CTNNA3: variants seen among roughly 807,000 people sequenced by gnomAD.
The protein encoded by CTNNA3 is catenin alpha-3.
CTNNA3 carries 76 observed loss-of-function variants against 95.7 expected under a neutral mutation model. The observed-to-expected ratio is 0.79, with a 90% CI of 0.66 to 0.96. The LOEUF is 0.96. CTNNA3 is among the 40% of genes least tolerant of loss of function. The pLI is 0.00. For synonymous variants in CTNNA3, 431 were observed against 374.4 expected (o/e 1.15, Z -1.74); for missense variants, 1,191 against 1,089.8 (o/e 1.09, Z -1.31).
intron 5 of CTNNA3, among the ~76,000 whole-genome samples, chr10:67,254,863 A>C (rs886496239): frequency 6.6e-6 from 1 of 152,214 alleles, no homozygotes; most frequent in African/African-American, 2.4e-5. Context: ...ATGCTGTTTT[A>C]CAATGAAATC....
intron 5 of CTNNA3, among the ~76,000 whole-genome samples, chr10:67,358,969 T>C (rs906109374): frequency 1.3e-5 from 2 of 152,018 alleles, no homozygotes; most frequent in Non-Finnish European, 2.9e-5. Flanking sequence ...GAGACATGCA[T>C]GGCTGAGCAA....
At chr10:67,726,626 T>TA (rs1564841363) in intron 1 of CTNNA3, among the ~76,000 whole-genome samples, 17 of 4,906 alleles carry the variant, frequency 3.5e-3, no homozygotes, top group African/African-American at 0.011. Context: ...ATAATATATA[T>TA]TATATTATAT....
At chr10:66,360,639 C>CTTCCTTCCTTCCTTCCT (rs1564896009) in intron 12 of CTNNA3, among the ~76,000 whole-genome samples, 7 of 56,538 alleles carry the variant, frequency 1.2e-4, no homozygotes, top group Non-Finnish European at 1.9e-4. Flanking sequence ...TTCTTTCTTT[C>CTTCCTTCCTTCCTTCCT]TTTCTTTCTT....
chr10:66,915,851 C>T (rs1276320905), intron 7 of CTNNA3, among the ~76,000 whole-genome samples: 5 of 151,332 alleles, frequency 3.3e-5, no homozygotes, highest in African/African-American at 4.9e-5. Flanking sequence ...CGAGTTCAAG[C>T]GATTCTCCTG....
At chr10:66,250,358 A>G (rs1218708215) in intron 13 of CTNNA3, among the ~76,000 whole-genome samples, 2 of 152,168 alleles carry the variant, frequency 1.3e-5, no homozygotes, top group African/African-American at 2.4e-5. Flanking sequence ...CTAGTATTTG[A>G]TAGCATGACA....
At chr10:66,946,538 C>G (rs1196826807) in intron 7 of CTNNA3, among the ~76,000 whole-genome samples, 1 of 152,084 alleles carries the variant, frequency 6.6e-6, no homozygotes, top group African/African-American at 2.4e-5. Context: ...TCTAGTTCTT[C>G]CAATCACTAT....
Position 66,744,849 on chromosome 10 carries a change from G to T in CTNNA3, c.1281+21415C>A, listed in dbSNP as rs543361489. Among the ~76,000 whole-genome samples, 47 of 152,172 alleles carry T rather than the reference G, an allele frequency of 3.1e-4. No individual in the cohort carries two copies. The South Asian group carries it at 9.4e-3, about 30-fold the overall frequency. On this transcript the variant is annotated intron_variant, in intron 9 of 17. Coordinates refer to ENST00000433211, the MANE Select transcript of CTNNA3 (RefSeq NM_013266.4). Reference sequence around the variant, plus strand: ...TGAGGTATAATCACTATATCTTTAGGAGTTCTAGGGTTTTTATGTTGAGGA... The same window carrying T: ...TGAGGTATAATCACTATATCTTTAGTAGTTCTAGGGTTTTTATGTTGAGGA...
chr10:66,849,458 C>T (rs1843400357), intron 7 of CTNNA3, among the ~76,000 whole-genome samples: 1 of 152,002 alleles, frequency 6.6e-6, no homozygotes, highest in Non-Finnish European at 1.5e-5. Flanking sequence ...GAATAGTGTG[C>T]CCCAAAATTC....
At chr10:67,024,352 CA>C (rs1853219613) in intron 7 of CTNNA3, among the ~76,000 whole-genome samples, 1 of 152,186 alleles carries the variant, frequency 6.6e-6, no homozygotes, top group Non-Finnish European at 1.5e-5. Context: ...CTCCCTCTTA[CA>C]AAGACCTTTG....
intron 3 of CTNNA3, among the ~76,000 whole-genome samples, chr10:67,589,987 C>T (rs1225138825): frequency 6.6e-6 from 1 of 152,074 alleles, no homozygotes; most frequent in African/African-American, 2.4e-5. Flanking sequence ...AAAAAAATCT[C>T]AAAGTCAAGT....
At chr10:66,192,391 A>G (rs1043466860) in intron 13 of CTNNA3, among the ~76,000 whole-genome samples, 7 of 152,240 alleles carry the variant, frequency 4.6e-5, no homozygotes, top group Non-Finnish European at 8.8e-5. Flanking sequence ...CTACAGAATA[A>G]GAAGAGCCTT....
intron 3 of CTNNA3, among the ~76,000 whole-genome samples, chr10:67,555,556 G>C (rs1339270855): frequency 3.3e-5 from 5 of 152,084 alleles, no homozygotes; most frequent in African/African-American, 9.7e-5. Flanking sequence ...CTCTCTGTTT[G>C]TCTGTTATTG....
intron 7 of CTNNA3, among the ~76,000 whole-genome samples, chr10:67,086,691 G>C (rs567132425): frequency 1.3e-4 from 20 of 152,044 alleles, no homozygotes; most frequent in South Asian, 8.3e-4. Context: ...AAATGCCAAT[G>C]TTCAGGGAAA....
Position 66,115,506 on chromosome 10 carries a change from TATAGATAGATAGATAGATGATAGATAG to T in CTNNA3, c.1885-12284_1885-12258del, listed in dbSNP as rs1384972478. Among the ~76,000 whole-genome samples the T allele has an allele frequency of 2.0e-5, 3 of 149,018 alleles. No homozygotes were observed. The East Asian group carries it at 5.9e-4, about 29-fold the overall frequency. On this transcript the variant is annotated intron_variant, in intron 13 of 17. Coordinates refer to ENST00000433211, the MANE Select transcript of CTNNA3 (RefSeq NM_013266.4). ...TGTGGTTTGACTTCCCAATGGGGAA[TATAGATAGATAGATAGATGATAGATAG>T]ATAGATAGATAGATAGATAGATAGA... is the stretch of plus-strand genomic sequence containing the variant.
At chr10:66,300,240 T>C (rs2091841759) in intron 12 of CTNNA3, among the ~76,000 whole-genome samples, 1 of 152,114 alleles carries the variant, frequency 6.6e-6, no homozygotes, top group African/African-American at 2.4e-5. Context: ...ATCACAGATA[T>C]AATTTTTACT....
At position 67,180,406 on chromosome 10, in the gene CTNNA3, T is replaced by C. The variant is rs1263985923; in HGVS notation, c.958A>G (p.Thr320Ala). 3 of 1,613,776 alleles carry C rather than the reference T, an allele frequency of 1.9e-6. No individual in the cohort carries two copies. In the Admixed American group the frequency reaches 5.0e-5, roughly 27 times the overall value. Residue 320 changes from threonine to alanine, a missense_variant, in exon 7 of 18, where the codon ACG becomes GCG. Thr to Ala is a moderately conservative substitution (Grantham distance 58, BLOSUM62 0). Transcript: ENST00000433211. ...ATCCGCTCTCGGTGTAAGTCCCTCGTACATGAAGAATCCGCCAGCAGAGCA... is the reference window on the plus strand; with the variant it reads ...ATCCGCTCTCGGTGTAAGTCCCTCGCACATGAAGAATCCGCCAGCAGAGCA... The part of the protein sequence containing the change: ...GAALLADSSC[T>A]RDLHRERIIA...
intron 13 of CTNNA3, among the ~76,000 whole-genome samples, chr10:66,175,692 G>A (rs2085670048): frequency 2.0e-5 from 3 of 152,156 alleles, no homozygotes; most frequent in Non-Finnish European, 4.4e-5. Flanking sequence ...GTTACTGTCA[G>A]CTAATCTTTC....
At chr10:66,028,312 G>A (rs959065793) in intron 15 of CTNNA3, among the ~76,000 whole-genome samples, 1 of 152,136 alleles carries the variant, frequency 6.6e-6, no homozygotes, top group African/African-American at 2.4e-5. Flanking sequence ...GTTTATTGTA[G>A]CACTATTCAC....
chr10:67,185,922 A>G (rs1319869798), intron 6 of CTNNA3, among the ~76,000 whole-genome samples: 1 of 151,636 alleles, frequency 6.6e-6, no homozygotes, highest in Non-Finnish European at 1.5e-5. Flanking sequence ...TGGGAGATTG[A>G]GGCAGGAGAA....
Sources: gnomAD v4.1 joint callset for allele counts (sites outside exome capture counted in the v4.1 genomes callset) on GRCh38, gnomAD v4.1.1 for gene constraint, MANE v1.5 for transcripts, NCBI Gene and HGNC (gene_info 2026-07-23, HGNC 2026-07-21) for gene names.